The following SV2C variants were observed in gnomAD, a reference collection of about 807,000 sequenced individuals.
SV2C encodes the protein synaptic vesicle glycoprotein 2C, also known as solute carrier family 22 member B3.
SV2C carries 49 observed loss-of-function variants against 79.7 expected under a neutral mutation model. The ratio of observed to expected loss-of-function variants is 0.61; its 90% CI spans 0.49 to 0.78. The LOEUF (loss-of-function observed/expected upper bound fraction) is 0.78. SV2C is among the 30% of genes least tolerant of loss of function. SV2C has a pLI of 0.00. For synonymous variants in SV2C, 334 were observed against 333.2 expected, an observed-to-expected ratio of 1.00 and a Z score of -0.03; for missense variants, 833 against 912.9, an observed-to-expected ratio of 0.91 and a Z score of 1.13.
At chr5:75,923,074 A>G in the SV2C span, among the ~76,000 whole-genome samples, 1 of 152,240 alleles carries the variant, frequency 6.6e-6, no homozygotes, top group Non-Finnish European at 1.5e-5. Flanking sequence ...ATAGGCATGT[A>G]GACCAATAGA....
chr5:76,178,259 A>C (rs1025160606), intron 2 of SV2C, among the ~76,000 whole-genome samples: 6 of 152,250 alleles, frequency 3.9e-5, no homozygotes, highest in Non-Finnish European at 8.8e-5. Flanking sequence ...CCCAGAATCA[A>C]GGAGAGGCAA....
intron 4 of SV2C, among the ~76,000 whole-genome samples, chr5:76,225,007 AT>A (rs1213244838): frequency 2.0e-5 from 3 of 152,202 alleles, no homozygotes; most frequent in Admixed American, 6.5e-5. Flanking sequence ...TCTCAAGAGA[AT>A]CCAAGGGGAC....
intron 1 of SV2C, among the ~76,000 whole-genome samples, chr5:76,123,703 G>T (rs946920176): frequency 4.6e-5 from 7 of 152,170 alleles, no homozygotes; most frequent in Admixed American, 3.9e-4. Flanking sequence ...TCTATTGTTA[G>T]GAAAATTGTT....
At chr5:75,878,442 T>C in the SV2C span, among the ~76,000 whole-genome samples, 2 of 152,182 alleles carry the variant, frequency 1.3e-5, no homozygotes, top group African/African-American at 4.8e-5. Context: ...CTATACTGTG[T>C]AGTAAAAGAC....
intron 4 of SV2C, among the ~76,000 whole-genome samples, chr5:76,274,004 A>G (rs1746950600): frequency 1.3e-5 from 2 of 152,352 alleles, no homozygotes; most frequent in Non-Finnish European, 1.5e-5. Context: ...TTTCACCCAG[A>G]GATACCAGGA....
At chr5:75,995,587 GATAACAACC>G in the SV2C span, among the ~76,000 whole-genome samples, 1 of 152,036 alleles carries the variant, frequency 6.6e-6, no homozygotes, top group East Asian at 1.9e-4. Flanking sequence ...AAACAAATAA[GATAACAACC>G]ATACTCATTT....
At position 76,131,796 on chromosome 5, in the gene SV2C, A is replaced by G; in HGVS notation, c.46A>G (p.Lys16Glu). The G allele has an allele frequency of 2.5e-6, 4 of 1,614,024 alleles. No homozygotes were observed. Among genetic ancestry groups the G allele is most frequent in the Non-Finnish European group, 3.4e-6 (4 of 1,179,974 alleles). ...TAGGACTTCACTGATGAAGGGTGCC[A>G]AGGACATTGCCAGAGAGGTGAAGAA... ...KDRTSLMKGA[K>E]DIAREVKKQT... The change falls in exon 2 of 13, where the codon AAG (lysine) becomes GAG (glutamate). Residue 16 changes from lysine (K) to glutamate (E), a missense_variant. Physicochemically the swap from Lys to Glu is moderately conservative, Grantham distance 56. Coordinates refer to ENST00000502798, the MANE Select transcript of SV2C (RefSeq NM_014979.4).
At chr5:75,980,572 A>G in the SV2C span, among the ~76,000 whole-genome samples, 1 of 152,200 alleles carries the variant, frequency 6.6e-6, no homozygotes, top group Admixed American at 6.5e-5. Flanking sequence ...ACACAAATCA[A>G]TACATGTGAT....
chr5:75,962,641 A>G, the SV2C span, among the ~76,000 whole-genome samples: 1 of 152,130 alleles, frequency 6.6e-6, no homozygotes, highest in Non-Finnish European at 1.5e-5. Context: ...CTCCAAGAGC[A>G]AAAAGTTTCA....
chr5:76,237,755 A>G (rs1457833529), intron 4 of SV2C, among the ~76,000 whole-genome samples: 3 of 152,088 alleles, frequency 2.0e-5, no homozygotes, highest in African/African-American at 7.2e-5. Flanking sequence ...GATATTGCCC[A>G]CTGTCATCTA....
chr5:76,296,726 G>A (rs1475002915), intron 9 of SV2C, among the ~76,000 whole-genome samples: 1 of 152,112 alleles, frequency 6.6e-6, no homozygotes, highest in African/African-American at 2.4e-5. Flanking sequence ...GTTCCCCAGG[G>A]CAAAAACCAG....
the SV2C span, among the ~76,000 whole-genome samples, chr5:76,037,558 G>A: frequency 6.6e-5 from 10 of 152,258 alleles, no homozygotes; most frequent in East Asian, 3.9e-4. Flanking sequence ...TAGGCTGCTC[G>A]GGGGTCAGGG....
At chr5:76,088,686 C>T (rs141146945) in intron 1 of SV2C, among the ~76,000 whole-genome samples, 87 of 152,300 alleles carry the variant, frequency 5.7e-4, no homozygotes, top group African/African-American at 1.9e-3. Flanking sequence ...GACATACTTA[C>T]ATTATTTGTT....
intron 12 of SV2C, among the ~76,000 whole-genome samples, chr5:76,306,735 A>C (rs537772134): frequency 6.6e-6 from 1 of 152,372 alleles, no homozygotes; most frequent in African/African-American, 2.4e-5. Flanking sequence ...ATGAATTAAT[A>C]ACCTGAATAT....
chr5:76,113,081 T>C (rs2112143608), intron 1 of SV2C, among the ~76,000 whole-genome samples: 1 of 152,368 alleles, frequency 6.6e-6, no homozygotes, highest in African/African-American at 2.4e-5. Context: ...AGCCTCTCAG[T>C]ACGTGTTTGT....
At chr5:76,081,292 A>T (rs577711994), upstream of SV2C, among the ~76,000 whole-genome samples, 3 of 152,350 alleles carry the variant, frequency 2.0e-5, no homozygotes, top group East Asian at 3.9e-4. Context: ...ACAATCCATT[A>T]TTCTGCAACA....
the SV2C span, among the ~76,000 whole-genome samples, chr5:75,875,370 C>A: frequency 5.9e-5 from 9 of 152,154 alleles, no homozygotes; most frequent in Non-Finnish European, 8.8e-5. Context: ...GGATAACAGG[C>A]TAGCCATGTG....
intron 1 of SV2C, among the ~76,000 whole-genome samples, chr5:76,127,643 C>T (rs1173837613): frequency 6.6e-6 from 1 of 152,212 alleles, no homozygotes; most frequent in Non-Finnish European, 1.5e-5. Flanking sequence ...CCCCACTTGG[C>T]TTCAGTGTGC....
the SV2C span, among the ~76,000 whole-genome samples, chr5:76,026,651 C>T: frequency 5.9e-4 from 90 of 152,236 alleles, no homozygotes; most frequent in African/African-American, 7.9e-4. Flanking sequence ...GAGAGCTAGA[C>T]GTAGGAAGCC....
Sources: gnomAD v4.1 joint callset for allele counts (sites outside exome capture counted in the v4.1 genomes callset) on GRCh38, gnomAD v4.1.1 for gene constraint, MANE v1.5 for transcripts, NCBI Gene and HGNC (gene_info 2026-07-23, HGNC 2026-07-21) for gene names.